The following TMC1 variants were observed in gnomAD, a reference collection of about 807,000 sequenced individuals.
TMC1 encodes the protein transmembrane channel-like protein 1.
A neutral mutation model predicts 105.8 loss-of-function variants in TMC1; 84 were observed. The observed-to-expected ratio is 0.79, with a 90% CI of 0.67 to 0.95. TMC1 has a LOEUF of 0.95. Among genes scored for constraint, TMC1 ranks in the 40% least tolerant of loss-of-function variants. The probability of loss-of-function intolerance (pLI) is 0.00; values close to 1 mark genes in which losing one functional copy is unlikely to be tolerated. For synonymous variants in TMC1, 315 were observed against 311.5 expected (o/e 1.01, Z -0.12); for missense variants, 817 against 914.1 (o/e 0.89, Z 1.37).
At chr9:72,550,197 G>T (rs1255201705) in intron 1 of TMC1, among the ~76,000 whole-genome samples, 3 of 152,044 alleles carry the variant, frequency 2.0e-5, no homozygotes, top group African/African-American at 2.4e-5. Flanking sequence ...GCCAGGCGTG[G>T]TGGCTCCTGC....
intron 8 of TMC1, among the ~76,000 whole-genome samples, chr9:72,711,464 C>T (rs1826834325): frequency 1.3e-5 from 2 of 152,178 alleles, no homozygotes; most frequent in East Asian, 1.9e-4. Context: ...ACCATTCTAA[C>T]TGGCGTGAGA....
chr9:72,633,679 A>G lies in TMC1; in HGVS notation c.-53+5616A>G, dbSNP rs145126747. Among the ~76,000 whole-genome samples, 19 of 152,282 alleles carry G rather than the reference A, an allele frequency of 1.2e-4. No homozygotes were observed. The South Asian group carries it at 2.7e-3, about 22-fold the overall frequency. On this transcript the variant is annotated intron_variant, in intron 4 of 23. Transcript: ENST00000297784. The stretch of plus-strand genomic sequence containing the variant: ...CTGGCACAAGACACAATCCTATTAC[A>G]TGTTCTGAAAAAAAATTCTCTACAT...
intron 17 of TMC1, among the ~76,000 whole-genome samples, chr9:72,797,967 C>G (rs964410602): frequency 6.6e-6 from 1 of 152,054 alleles, no homozygotes; most frequent in Non-Finnish European, 1.5e-5. Context: ...GCAATCTATC[C>G]ATCTGACAAA....
chr9:72,524,552 C>T (rs75883468), intron 1 of TMC1, among the ~76,000 whole-genome samples: 1,561 of 152,182 alleles, frequency 0.01, 22 homozygotes, highest in Non-Finnish European at 0.015. Context: ...ATGAGGTAAG[C>T]GAGGAATAGT....
intron 17 of TMC1, 55 bp downstream of exon 17, chr9:72,792,407 A>G: frequency 2.5e-6 from 4 of 1,593,366 alleles, no homozygotes; most frequent in Non-Finnish European, 3.4e-6. Context: ...AAGAGAGTCA[A>G]TATCTCTTCC....
intron 4 of TMC1, among the ~76,000 whole-genome samples, chr9:72,632,055 T>C (rs185932588): frequency 6.6e-6 from 1 of 152,248 alleles, no homozygotes; most frequent in East Asian, 1.9e-4. Context: ...AGAAAAGGGT[T>C]TATTTGGTTT....
intron 2 of TMC1, among the ~76,000 whole-genome samples, chr9:72,603,848 G>GTTTT (rs534608884): frequency 4.1e-5 from 3 of 73,998 alleles, no homozygotes; most frequent in Non-Finnish European, 7.4e-5. Flanking sequence ...GCGACCGGCT[G>GTTTT]TTTTTTTTTT....
At chr9:72,669,540 G>C (rs141541170) in intron 5 of TMC1, among the ~76,000 whole-genome samples, 1,864 of 152,154 alleles carry the variant, frequency 0.012, 25 homozygotes, top group Middle Eastern at 0.085. Flanking sequence ...AAACATTTCT[G>C]CATGTCATTG....
intron 18 of TMC1, among the ~76,000 whole-genome samples, chr9:72,806,365 C>T: frequency 7.2e-6 from 1 of 138,940 alleles, no homozygotes; most frequent in African/African-American, 2.7e-5. Flanking sequence ...CCCCCCACCT[C>T]CCTCCCGGAC....
chr9:72,614,140 T>G (rs1825082616), intron 2 of TMC1, among the ~76,000 whole-genome samples: 1 of 152,178 alleles, frequency 6.6e-6, no homozygotes, highest in South Asian at 2.1e-4. Context: ...ATGTCCTTGT[T>G]CAATGACCAG....
At chr9:72,753,286 CTTTTTTTTTT>C (rs5898269) in intron 11 of TMC1, among the ~76,000 whole-genome samples, 2 of 81,828 alleles carry the variant, frequency 2.4e-5, no homozygotes, top group Non-Finnish European at 4.4e-5. Context: ...TTAACCCCAG[CTTTTTTTTTT>C]TTTTTTTTTT....
chr9:72,837,480 C>A lies in TMC1; in HGVS notation c.*1507C>A, dbSNP rs1218124688. The A allele has an allele frequency of 6.6e-6, 1 of 152,192 alleles. No homozygotes were observed. Among genetic ancestry groups the A allele is most frequent in the Non-Finnish European group, 1.5e-5 (1 of 68,048 alleles). 9.4% of individuals were successfully genotyped at this position (152,192 alleles called of 1,614,324 possible). On this transcript the variant is annotated 3_prime_UTR_variant, in exon 24 of 24. Transcript: ENST00000297784. Reference sequence around the variant, plus strand: ...ATGTTTGCCTAACTACCTACTCTAACAATCATATCCTGTAAGCTTGGATTC... The same window carrying A: ...ATGTTTGCCTAACTACCTACTCTAAAAATCATATCCTGTAAGCTTGGATTC...
At chr9:72,572,362 A>G (rs1261989832) in intron 1 of TMC1, among the ~76,000 whole-genome samples, 1 of 151,722 alleles carries the variant, frequency 6.6e-6, no homozygotes, top group Non-Finnish European at 1.5e-5. Context: ...CATCTGGTTA[A>G]TTTTTGTATT....
chr9:72,568,642 T>C (rs1824211718), intron 1 of TMC1, among the ~76,000 whole-genome samples: 1 of 151,038 alleles, frequency 6.6e-6, no homozygotes, highest in Admixed American at 6.6e-5. Flanking sequence ...CTTAGATATT[T>C]TGAGTCTTGA....
At chr9:72,639,732 CA>C (rs1825593541) in intron 4 of TMC1, among the ~76,000 whole-genome samples, 1 of 152,084 alleles carries the variant, frequency 6.6e-6, no homozygotes, top group African/African-American at 2.4e-5. Context: ...ACTCTAACAC[CA>C]AAATTATCCT....
intron 2 of TMC1, among the ~76,000 whole-genome samples, chr9:72,614,364 A>C (rs1286044854): frequency 1.3e-5 from 2 of 152,240 alleles, no homozygotes; most frequent in Non-Finnish European, 2.9e-5. Flanking sequence ...GATGAGATAA[A>C]CAGTCATAAA....
chr9:72,538,391 A>ATG lies in TMC1; in HGVS notation c.-428+16479_-428+16480insGT, dbSNP rs1206947943. 2.8e-5 allele frequency among the ~76,000 whole-genome samples: 3 copies of ATG among 107,792 alleles called. No individual in the cohort carries two copies. In the East Asian group the frequency reaches 7.6e-4, roughly 27 times the overall value. The allele number at this position is 107,792 out of a possible 152,430, so 70.7% of individuals were successfully genotyped here. ...TCAAATAAATATATTTTGGGATAAA[A>ATG]TACTTGTATTGTATTGTATTGTATT... On this transcript the variant is annotated intron_variant, in intron 1 of 23. Coordinates refer to ENST00000297784, the MANE Select transcript of TMC1 (RefSeq NM_138691.3).
At chr9:72,772,902 C>T (rs1827953378) in intron 13 of TMC1, among the ~76,000 whole-genome samples, 1 of 152,126 alleles carries the variant, frequency 6.6e-6, no homozygotes, top group Non-Finnish European at 1.5e-5. Flanking sequence ...CTTTTGCGTG[C>T]AGAGAGGTTT....
chr9:72,806,339 CGGG>C (rs1828583873), intron 18 of TMC1, among the ~76,000 whole-genome samples: 2 of 121,104 alleles, frequency 1.7e-5, no homozygotes, highest in African/African-American at 6.7e-5. Flanking sequence ...GGCGGCTGGC[CGGG>C]TGGGGGGCTG....
Sources: gnomAD v4.1 joint callset for allele counts (sites outside exome capture counted in the v4.1 genomes callset) on GRCh38, gnomAD v4.1.1 for gene constraint, MANE v1.5 for transcripts, NCBI Gene and HGNC (gene_info 2026-07-23, HGNC 2026-07-21) for gene names.